Variants in JAKMIP2 observed in about 807,000 individuals in gnomAD.
JAKMIP2 encodes janus kinase and microtubule interacting protein 2, also known as janus kinase and microtubule-interacting protein 2.
Under a neutral mutation model 115.0 loss-of-function variants are expected in JAKMIP2, and 25 were observed. The observed-to-expected ratio is 0.22, with a 90% CI of 0.16 to 0.30. The LOEUF (loss-of-function observed/expected upper bound fraction) is 0.30. JAKMIP2 is among the 10% of genes least tolerant of loss of function. The probability of loss-of-function intolerance (pLI) is 1.00; values close to 1 mark genes in which losing one functional copy is unlikely to be tolerated. For missense variants in JAKMIP2, 642 were observed against 957.6 expected (o/e 0.67, Z 4.35); for synonymous variants, 334 against 343.6 (o/e 0.97, Z 0.31).
rs369254284 is a variant in JAKMIP2 at position 147,694,468 on chromosome 5, A to T, written c.-148-22514T>A. Among the ~76,000 whole-genome samples, 19 of 152,324 alleles carry T rather than the reference A, an allele frequency of 1.2e-4. No homozygotes were observed. In the South Asian group the frequency reaches 3.7e-3, roughly 30 times the overall value. Reference sequence around the variant, plus strand: ...CTGAGAAATAAAGAGGGTATACAGGAAAATGAACAAGGCAACAAGATTCCT... The same window carrying T: ...CTGAGAAATAAAGAGGGTATACAGGTAAATGAACAAGGCAACAAGATTCCT... On this transcript the variant is annotated intron_variant, in intron 1 of 21. Transcript: ENST00000616793.
chr5:147,694,551 T>C (rs1456453831), intron 1 of JAKMIP2, among the ~76,000 whole-genome samples: 2 of 152,210 alleles, frequency 1.3e-5, no homozygotes, highest in East Asian at 1.9e-4. Flanking sequence ...AGCTGCTGTT[T>C]GGCATTCTCC....
At position 147,716,548 on chromosome 5, in the gene JAKMIP2, G is replaced by A. The variant is rs978878769; in HGVS notation, c.-148-44594C>T. 2.6e-5 allele frequency among the ~76,000 whole-genome samples: 4 copies of A among 152,088 alleles called. 1 individual carries two copies. The highest frequency in any genetic ancestry group is 1.3e-4 in the Admixed American group (2 of 15,272). ...TAATGATTGCCATTCTAACTGGTGT[G>A]AGATGGTATCTCATTGCGGTTTTGA... is the stretch of plus-strand genomic sequence containing the variant. On this transcript the variant is annotated intron_variant, in intron 1 of 21. Transcript: ENST00000616793.
intron 1 of JAKMIP2, among the ~76,000 whole-genome samples, chr5:147,680,317 C>T (rs563910476): frequency 6.6e-6 from 1 of 152,156 alleles, no homozygotes; most frequent in Non-Finnish European, 1.5e-5. Flanking sequence ...GAAATCCATG[C>T]TTCTGCTTCT....
At chr5:147,654,306 T>TTAC (rs1447088787) in intron 3 of JAKMIP2, among the ~76,000 whole-genome samples, 1 of 152,134 alleles carries the variant, frequency 6.6e-6, no homozygotes, top group Non-Finnish European at 1.5e-5. Context: ...CTTTTGTCAG[T>TTAC]ATGGACATTT....
intron 6 of JAKMIP2, 98 bp downstream of exon 6, chr5:147,644,752 A>C: frequency 9.2e-7 from 1 of 1,090,340 alleles, no homozygotes; most frequent in Non-Finnish European, 1.3e-6. Context: ...TCCAAATAGC[A>C]CTGTATTTTT....
chr5:147,717,332 C>A (rs1753047045), intron 1 of JAKMIP2, among the ~76,000 whole-genome samples: 1 of 146,662 alleles, frequency 6.8e-6, no homozygotes, highest in South Asian at 2.3e-4. Flanking sequence ...AATGCGGGCT[C>A]TTTTTTGGTT....
At chr5:147,741,563 C>T (rs1754141999) in intron 1 of JAKMIP2, among the ~76,000 whole-genome samples, 1 of 152,000 alleles carries the variant, frequency 6.6e-6, no homozygotes, top group African/African-American at 2.4e-5. Flanking sequence ...TTGTTTTACT[C>T]TGATTTATCC....
chr5:147,739,739 G>A (rs183645678), intron 1 of JAKMIP2, among the ~76,000 whole-genome samples: 53 of 152,034 alleles, frequency 3.5e-4, no homozygotes, highest in Admixed American at 9.2e-4. Context: ...GGAGATAGAG[G>A]GTGAGAAAAA....
At position 147,641,768 on chromosome 5, in the gene JAKMIP2, G is replaced by A; in HGVS notation, c.1225-4C>T. Reference sequence around the variant, plus strand: ...TACGGATGAGCTTTTCTCGGTCCTGGAAAACAGATGAAAGATTTTCAGATC... The same window carrying A: ...TACGGATGAGCTTTTCTCGGTCCTGAAAAACAGATGAAAGATTTTCAGATC... On this transcript the variant is annotated splice_polypyrimidine_tract_variant and splice_region_variant and intron_variant, in intron 7 of 21. Coordinates refer to ENST00000616793, the MANE Select transcript of JAKMIP2 (RefSeq NM_001270941.2). 8 of 1,611,300 alleles carry A rather than the reference G, an allele frequency of 5.0e-6. No homozygotes were observed. Among genetic ancestry groups the A allele is most frequent in the South Asian group, 1.1e-5 (1 of 90,960 alleles).
At chr5:147,637,511 C>T (rs187958891) in intron 10 of JAKMIP2, among the ~76,000 whole-genome samples, 93 of 141,686 alleles carry the variant, frequency 6.6e-4, no homozygotes, top group African/African-American at 2.3e-3. Flanking sequence ...ACAATCTCAG[C>T]TTACTGCAAC....
chr5:147,747,464 C>A (rs572769984), intron 1 of JAKMIP2, among the ~76,000 whole-genome samples: 127 of 152,192 alleles, frequency 8.3e-4, no homozygotes, highest in African/African-American at 3.0e-3. Context: ...TGGTAACTGT[C>A]AAAGATATAG....
intron 2 of JAKMIP2, among the ~76,000 whole-genome samples, chr5:147,669,816 G>T (rs1224466574): frequency 1.3e-5 from 2 of 152,168 alleles, no homozygotes; most frequent in African/African-American, 4.8e-5. Context: ...CATCAGAATT[G>T]CCAGGGCTGC....
intron 15 of JAKMIP2, 73 bp from the exon 16 acceptor site, chr5:147,628,889 G>T (rs1375995421): frequency 1.9e-6 from 2 of 1,031,638 alleles, no homozygotes; most frequent in South Asian, 1.3e-5. Context: ...CTGTCTGACT[G>T]ACTGCTACAG....
chr5:147,594,420 G>A lies in JAKMIP2; in HGVS notation c.*21-2734C>T, dbSNP rs577508029. 1.3e-3 allele frequency: 590 copies of A among 455,116 alleles called. 11 individuals are homozygous for A. Among genetic ancestry groups the A allele is most frequent in the Admixed American group, 3.1e-3 (131 of 42,534 alleles). The allele number at this position is 455,116 out of a possible 1,614,324, so 28.2% of individuals were successfully genotyped here. On this transcript the variant is annotated intron_variant, in intron 21 of 21. Coordinates refer to ENST00000616793, the MANE Select transcript of JAKMIP2 (RefSeq NM_001270941.2). ...TGCAATCTTGTCTCACTGCAGCATC[G>A]ACCTCTGGGGCTTAAGCCATCCTTG...
chr5:147,741,154 G>A (rs1754129178), intron 1 of JAKMIP2, among the ~76,000 whole-genome samples: 1 of 152,016 alleles, frequency 6.6e-6, no homozygotes, highest in Non-Finnish European at 1.5e-5. Context: ...TTAGGTGTTA[G>A]GATACCACTT....
chr5:147,719,788 T>C (rs1480695073), intron 1 of JAKMIP2, among the ~76,000 whole-genome samples: 2 of 151,894 alleles, frequency 1.3e-5, no homozygotes, highest in Non-Finnish European at 2.9e-5. Flanking sequence ...CTGATGGGTC[T>C]TGACTCTTTA....
chr5:147,703,738 G>GTTTACT (rs1752464222), intron 1 of JAKMIP2, among the ~76,000 whole-genome samples: 1 of 150,772 alleles, frequency 6.6e-6, no homozygotes, highest in African/African-American at 2.4e-5. Context: ...ACTTTAACTT[G>GTTTACT]TTTACTTCAT....
intron 5 of JAKMIP2, 58 bp from the exon 6 acceptor site, chr5:147,645,054 A>C: frequency 6.4e-7 from 1 of 1,568,082 alleles, no homozygotes; most frequent in Non-Finnish European, 8.7e-7. Flanking sequence ...GGGGCAGGGG[A>C]GTAAAGTGGT....
chr5:147,684,857 A>G (rs1242768097), intron 1 of JAKMIP2, among the ~76,000 whole-genome samples: 3 of 152,190 alleles, frequency 2.0e-5, no homozygotes, highest in Non-Finnish European at 4.4e-5. Context: ...GATCAGAGAT[A>G]AAAAATGAAG....
Sources: allele counts gnomAD v4.1 joint callset (sites outside exome capture counted in the v4.1 genomes callset), GRCh38; gene constraint gnomAD v4.1.1; transcripts MANE v1.5; gene names NCBI Gene and HGNC (gene_info 2026-07-23, HGNC 2026-07-21).